Variants in CCSER1 observed in about 807,000 individuals in gnomAD.
The protein encoded by CCSER1 is coiled-coil serine rich protein 1.
A neutral mutation model predicts 82.0 loss-of-function variants in CCSER1; 41 were observed. The observed-to-expected ratio is 0.50, with a 90% CI of 0.39 to 0.65. The LOEUF (loss-of-function observed/expected upper bound fraction) is 0.65, where lower values mean the gene tolerates loss of function less well. CCSER1 is among the 30% of genes least tolerant of loss of function. CCSER1 has a pLI of 0.00. For missense variants in CCSER1, 1,119 were observed against 1,064.2 expected (o/e 1.05, Z -0.72); for synonymous variants, 414 against 383.9 (o/e 1.08, Z -0.92).
chr4:91,604,897 G>A lies in CCSER1; in HGVS notation c.*5840G>A, dbSNP rs1254027728. 5.3e-5 allele frequency: 8 copies of A among 151,948 alleles called. No homozygotes were observed. Among genetic ancestry groups the A allele is most frequent in the East Asian group, 3.9e-4 (2 of 5,154 alleles). The allele number at this position is 151,948 out of a possible 1,614,324, so 9.4% of individuals were successfully genotyped here. A position where few individuals can be genotyped will look rare whatever the true frequency, so the allele number is the denominator to read the frequency against. On this transcript the variant is annotated 3_prime_UTR_variant, in exon 11 of 11. Transcript: ENST00000509176. ...TCTGAATAAGACGTAATCCTGTCAT[G>A]AGTTCTCTCTTCCAAAAAAGAATGC... is the stretch of plus-strand genomic sequence containing the variant.
chr4:90,800,736 TAGG>T (rs34292796), intron 7 of CCSER1, among the ~76,000 whole-genome samples: 51,401 of 151,696 alleles, frequency 0.34, 8,844 homozygotes, highest in East Asian at 0.42. Flanking sequence ...CCATGGGTTT[TAGG>T]AGATCAGAAA....
At position 91,423,832 on chromosome 4, in the gene CCSER1, G is replaced by A. The variant is rs550772394; in HGVS notation, c.2218-174740G>A. On this transcript the variant is annotated intron_variant, in intron 10 of 10. Transcript: ENST00000509176. ...AGTGTTCACTGAGTCTCTGTATTGT[G>A]CACTGTTCCCGTCAGCTTCAGAGGA... Among the ~76,000 whole-genome samples the A allele has an allele frequency of 7.9e-5, 12 of 152,104 alleles. 1 individual carries two copies. The South Asian group carries it at 2.5e-3, about 32-fold the overall frequency.
chr4:91,476,904 A>G (rs1430668834), intron 10 of CCSER1, among the ~76,000 whole-genome samples: 1 of 151,762 alleles, frequency 6.6e-6, no homozygotes, highest in Non-Finnish European at 1.5e-5. Flanking sequence ...CAATTAATAC[A>G]TAATAAAATC....
chr4:90,908,333 G>T (rs1381050017), intron 8 of CCSER1, among the ~76,000 whole-genome samples: 1 of 152,026 alleles, frequency 6.6e-6, no homozygotes, highest in Non-Finnish European at 1.5e-5. Context: ...ATCCATTCAA[G>T]AAACTGAAAG....
At chr4:91,469,514 C>T (rs1255593318) in intron 10 of CCSER1, among the ~76,000 whole-genome samples, 2 of 152,208 alleles carry the variant, frequency 1.3e-5, no homozygotes, top group East Asian at 3.9e-4. Context: ...GTAGTTTTCC[C>T]CCTGTTATCC....
At chr4:91,542,221 T>G (rs1174227273) in intron 10 of CCSER1, among the ~76,000 whole-genome samples, 1 of 152,214 alleles carries the variant, frequency 6.6e-6, no homozygotes, top group Non-Finnish European at 1.5e-5. Flanking sequence ...GTGCAGAAGC[T>G]CTTTAGTTTA....
intron 9 of CCSER1, among the ~76,000 whole-genome samples, chr4:90,993,275 T>C (rs1490109096): frequency 6.6e-6 from 1 of 152,046 alleles, no homozygotes; most frequent in African/African-American, 2.4e-5. Context: ...TGAATAATGA[T>C]GCATCCTATA....
At chr4:90,181,107 G>A (rs916011997) in intron 1 of CCSER1, among the ~76,000 whole-genome samples, 7 of 152,020 alleles carry the variant, frequency 4.6e-5, no homozygotes, top group Non-Finnish European at 7.4e-5. Flanking sequence ...ACCTGTTTGG[G>A]TACTGTGCCC....
chr4:90,417,360 A>G (rs1233536283), intron 4 of CCSER1, among the ~76,000 whole-genome samples: 2 of 152,122 alleles, frequency 1.3e-5, no homozygotes, highest in South Asian at 4.1e-4. Flanking sequence ...AAATACCTTA[A>G]AAATTATTAA....
At chr4:91,316,887 AG>A (rs1745872129) in intron 10 of CCSER1, among the ~76,000 whole-genome samples, 1 of 152,028 alleles carries the variant, frequency 6.6e-6, no homozygotes, top group Non-Finnish European at 1.5e-5. Context: ...TGGTGGCAGA[AG>A]ATGGAGGTGA....
At chr4:90,576,296 C>T (rs1373565685) in intron 5 of CCSER1, among the ~76,000 whole-genome samples, 2 of 152,140 alleles carry the variant, frequency 1.3e-5, no homozygotes. Flanking sequence ...TCTGTTCCCA[C>T]CTACCACAGA....
intron 5 of CCSER1, among the ~76,000 whole-genome samples, chr4:90,524,084 G>A (rs1486071869): frequency 6.6e-6 from 1 of 152,078 alleles, no homozygotes; most frequent in Non-Finnish European, 1.5e-5. Flanking sequence ...TATGAGACTA[G>A]GGGAAGAACA....
At chr4:90,315,415 A>G (rs1736004577) in intron 3 of CCSER1, among the ~76,000 whole-genome samples, 1 of 152,218 alleles carries the variant, frequency 6.6e-6, no homozygotes, top group African/African-American at 2.4e-5. Context: ...AGAACTACCA[A>G]AAACTACTTC....
chr4:91,460,303 A>G (rs1756434519), intron 10 of CCSER1, among the ~76,000 whole-genome samples: 1 of 152,128 alleles, frequency 6.6e-6, no homozygotes, highest in Non-Finnish European at 1.5e-5. Flanking sequence ...CTCAGATTTC[A>G]AAGTCTCTTG....
intron 9 of CCSER1, among the ~76,000 whole-genome samples, chr4:90,930,151 GT>G (rs1387173495): frequency 3.3e-5 from 5 of 152,126 alleles, no homozygotes; most frequent in Non-Finnish European, 7.4e-5. Context: ...ATACATATTT[GT>G]TGAATGGAAA....
Position 90,518,001 on chromosome 4 carries a change from TA to T in CCSER1, c.1724+49655del, listed in dbSNP as rs551101226. ...TAGAATAGTGATAGAAAGCAAGCAT[TA>T]AAAAAAACATAATATGAATAAGGGA... On this transcript the variant is annotated intron_variant, in intron 5 of 10. Transcript: ENST00000509176. Among the ~76,000 whole-genome samples, 675 of 151,842 alleles carry T rather than the reference TA, an allele frequency of 4.4e-3. 7 individuals are homozygous for T. Among genetic ancestry groups the T allele is most frequent in the African/African-American group, 0.016 (651 of 41,456 alleles).
At chr4:91,375,666 T>A (rs1232466950) in intron 10 of CCSER1, among the ~76,000 whole-genome samples, 3 of 152,130 alleles carry the variant, frequency 2.0e-5, no homozygotes, top group Admixed American at 1.3e-4. Flanking sequence ...GAAACAACTT[T>A]AGTAAAAGAA....
At chr4:91,277,138 G>A (rs898578506) in intron 10 of CCSER1, among the ~76,000 whole-genome samples, 1 of 151,856 alleles carries the variant, frequency 6.6e-6, no homozygotes, top group Non-Finnish European at 1.5e-5. Flanking sequence ...TTCTGCCTTT[G>A]GTATCAGGGT....
At chr4:90,490,195 C>T (rs1456465068) in intron 5 of CCSER1, among the ~76,000 whole-genome samples, 2 of 152,250 alleles carry the variant, frequency 1.3e-5, no homozygotes, top group East Asian at 1.9e-4. Context: ...TGTTTCCTGA[C>T]TTTTTAATGA....
Sources: allele counts gnomAD v4.1 joint callset (sites outside exome capture counted in the v4.1 genomes callset), GRCh38; gene constraint gnomAD v4.1.1; transcripts MANE v1.5; gene names NCBI Gene and HGNC (gene_info 2026-07-23, HGNC 2026-07-21).